The following WDR4 variants were observed in gnomAD, a reference collection of about 807,000 sequenced individuals.
WDR4 encodes the protein WDR4 tRNA N7-guanosine methyltransferase non-catalytic subunit.
Under a neutral mutation model 48.6 loss-of-function variants are expected in WDR4, and 47 were observed. The ratio of observed to expected loss-of-function variants is 0.97; its 90% CI spans 0.77 to 1.23. WDR4 has a LOEUF of 1.23. Ranked by LOEUF, WDR4 falls within the 50% of genes most tolerant of loss-of-function variation. The pLI is 0.00. For missense variants in WDR4, 606 were observed against 551.6 expected, an observed-to-expected ratio of 1.10 and a Z score of -0.99; for synonymous variants, 268 against 230.0, an observed-to-expected ratio of 1.17 and a Z score of -1.49.
intron 2 of WDR4, among the ~76,000 whole-genome samples, chr21:42,875,367 T>C (rs184069093): frequency 2.2e-4 from 34 of 151,972 alleles, no homozygotes; most frequent in African/African-American, 7.2e-4. Flanking sequence ...CTGGCCAACA[T>C]GGTAAAACCT....
rs775955171 is a variant in WDR4, at chr21:42,853,657, G to A, written c.887C>T (p.Ala296Val). Residue 296 changes from alanine to valine, a missense_variant, in exon 9 of 11, where the codon GCT becomes GTT. Coordinates refer to ENST00000398208, the MANE Select transcript of WDR4 (RefSeq NM_018669.6). ...CCACAGCCCCTGGGTCTCCTCGAAA[G>A]CCACGTCCCACACTTGGTGCTGGAA... Reference protein sequence around the residue: ...LAFQHQVWDVAFEETQGLWVL... With the variant: ...LAFQHQVWDVVFEETQGLWVL... 5.6e-6 allele frequency: 9 copies of A among 1,599,950 alleles called. No homozygotes were observed. Among genetic ancestry groups the A allele is most frequent in the Non-Finnish European group, 7.7e-6 (9 of 1,174,570 alleles).
chr21:42,850,083 T>G lies in WDR4; in HGVS notation c.1205A>C (p.Lys402Thr). 6.2e-7 allele frequency: 1 copy of G among 1,614,130 alleles called. No individual in the cohort carries two copies. The highest frequency in any genetic ancestry group is 8.5e-7 in the Non-Finnish European group (1 of 1,179,996). ...TAGCGTCGCCTCCCCCGGTCTCATC[T>G]TCTTGGCATGCCCGTCGGGCCCAGG... ...PPPGPDGHAK[K>T]MRPGEATLSC Residue 402 changes from lysine (K) to threonine (T), a missense_variant, in exon 11 of 11, where the codon AAG becomes ACG. By Grantham distance (78) the Lys-to-Thr change is moderately conservative. Coordinates refer to ENST00000398208, the MANE Select transcript of WDR4 (RefSeq NM_018669.6).
At chr21:42,853,291 C>T (rs572932152) in intron 9 of WDR4, among the ~76,000 whole-genome samples, 4 of 152,274 alleles carry the variant, frequency 2.6e-5, no homozygotes, top group South Asian at 2.1e-4. Context: ...CCAACTTCAT[C>T]GCTAAGTGTG....
chr21:42,892,487 G>A, the WDR4 span, among the ~76,000 whole-genome samples: 34,821 of 124,344 alleles, frequency 0.28, 4,977 homozygotes, highest in African/African-American at 0.52. Context: ...TCAATGAATC[G>A]CTAGCTGTGT....
At chr21:42,844,114 A>G (rs550948125) in intron 11 of WDR4, among the ~76,000 whole-genome samples, 4 of 152,340 alleles carry the variant, frequency 2.6e-5, no homozygotes, top group Admixed American at 2.6e-4. Flanking sequence ...ACGTGGAAAC[A>G]GAATCTACCA....
Position 42,849,767 on chromosome 21 carries a change from A to C in WDR4, c.*282T>G. 2.7e-6 allele frequency: 1 copy of C among 367,462 alleles called. No homozygotes were observed. The highest frequency in any genetic ancestry group is 4.9e-6 in the Non-Finnish European group (1 of 203,932). 22.8% of individuals were successfully genotyped at this position (367,462 alleles called of 1,614,324 possible). ...AGAAACACAGACAGCTGCCGCCACC[A>C]CCGGCTCACACGCAGCCTCCGACAT... On this transcript the variant is annotated 3_prime_UTR_variant, in exon 11 of 11. Transcript: ENST00000398208.
intron 3 of WDR4, among the ~76,000 whole-genome samples, chr21:42,867,290 C>T (rs2058267476): frequency 6.6e-6 from 1 of 151,226 alleles, no homozygotes. Flanking sequence ...ACTCAGGAGG[C>T]TGAGGCAGGA....
chr21:42,845,209 A>C (rs2057700590), downstream of WDR4, among the ~76,000 whole-genome samples: 1 of 152,290 alleles, frequency 6.6e-6, no homozygotes, highest in Non-Finnish European at 1.5e-5. Context: ...TTCTGAGACC[A>C]CAGTGGAATT....
intron 5 of WDR4, among the ~76,000 whole-genome samples, chr21:42,860,150 G>A (rs2058083485): frequency 6.6e-6 from 1 of 152,186 alleles, no homozygotes; most frequent in Admixed American, 6.5e-5. Context: ...CAAAGACACG[G>A]GGGAGACTCA....
chr21:42,850,394 GC>G, intron 10 of WDR4, 152 bp from the exon 11 acceptor site: 1 of 625,088 alleles, frequency 1.6e-6, no homozygotes, highest in Non-Finnish European at 2.7e-6. Flanking sequence ...TCCCCACGGT[GC>G]CCACCTCCTG....
chr21:42,879,042 C>T (rs1050424269), intron 1 of WDR4: 6 of 1,068,012 alleles, frequency 5.6e-6, no homozygotes, highest in South Asian at 8.1e-5. Context: ...CGTGTTCGGC[C>T]GGGCCTTGCT....
chr21:42,867,274 C>T (rs1408764072), intron 3 of WDR4, among the ~76,000 whole-genome samples: 1 of 151,906 alleles, frequency 6.6e-6, no homozygotes, highest in East Asian at 1.9e-4. Flanking sequence ...TCCTATAATC[C>T]CAGCTACTCA....
intron 2 of WDR4, 111 bp from the exon 3 acceptor site, chr21:42,873,802 G>A: frequency 1.5e-6 from 2 of 1,323,894 alleles, no homozygotes; most frequent in Non-Finnish European, 2.1e-6. Flanking sequence ...AACTGTTAAG[G>A]GGATCACGTA....
At chr21:42,868,104 G>A (rs1029319153) in intron 3 of WDR4, among the ~76,000 whole-genome samples, 1 of 152,180 alleles carries the variant, frequency 6.6e-6, no homozygotes, top group Admixed American at 6.5e-5. Flanking sequence ...ACCACATTGA[G>A]TGGAGAGAAT....
At chr21:42,881,177 A>G (rs1455890732), upstream of WDR4, among the ~76,000 whole-genome samples, 2 of 152,172 alleles carry the variant, frequency 1.3e-5, no homozygotes, top group Non-Finnish European at 2.9e-5. Flanking sequence ...AAGTGCTGGG[A>G]TTACAGGCGT....
chr21:42,870,575 G>C (rs990573550), intron 3 of WDR4, among the ~76,000 whole-genome samples: 10 of 84,602 alleles, frequency 1.2e-4, no homozygotes, highest in African/African-American at 9.4e-4. Flanking sequence ...ATCACCTTGA[G>C]GTCAGAGTTC....
chr21:42,863,456 G>A lies in WDR4; in HGVS notation c.437C>T (p.Ser146Phe). Reference protein sequence around the residue: ...GCGRLELGHLSMLLDVAVSPD... With the variant: ...GCGRLELGHLFMLLDVAVSPD... ...CCCACCTACCACATCTAACAGCATA[G>A]ACAGGTGCCCCAGCTCTAGACGGCC... Residue 146 changes from serine to phenylalanine, a missense_variant, in exon 4 of 11, where the codon TCT becomes TTT. Transcript: ENST00000398208. The A allele has an allele frequency of 1.2e-6, 2 of 1,612,702 alleles. No individual in the cohort carries two copies. Among genetic ancestry groups the A allele is most frequent in the Non-Finnish European group, 1.7e-6 (2 of 1,179,346 alleles).
chr21:42,848,698 G>T (rs375179410), downstream of WDR4, among the ~76,000 whole-genome samples: 3 of 83,088 alleles, frequency 3.6e-5, no homozygotes, highest in Admixed American at 1.5e-4. Context: ...ACGATCACGC[G>T]GCGCACACCT....
In WDR4 at chr21:42,863,937, C is replaced by T. The variant is rs1402000628; in HGVS notation, c.297-341G>A. On this transcript the variant is annotated intron_variant, in intron 3 of 10. Coordinates refer to ENST00000398208, the MANE Select transcript of WDR4 (RefSeq NM_018669.6). ...CTGGCTAACACGGTGAAAACCCCGT[C>T]TCTACTAAAAATACAAAAAATTAGC... Among the ~76,000 whole-genome samples, 4 of 92,686 alleles carry T rather than the reference C, an allele frequency of 4.3e-5. 1 individual carries two copies. Among genetic ancestry groups the T allele is most frequent in the Non-Finnish European group, 8.3e-5 (4 of 47,942 alleles). The allele number at this position is 92,686 out of a possible 152,430, so 60.8% of individuals were successfully genotyped here.
Sources: allele counts gnomAD v4.1 joint callset (sites outside exome capture counted in the v4.1 genomes callset), GRCh38; gene constraint gnomAD v4.1.1; transcripts MANE v1.5; gene names NCBI Gene and HGNC (gene_info 2026-07-23, HGNC 2026-07-21).